The following MEOX1 variants were observed in gnomAD, a reference collection of about 807,000 sequenced individuals.
MEOX1 encodes homeobox protein MOX-1.
Under a neutral mutation model 23.2 loss-of-function variants are expected in MEOX1, and 17 were observed. The observed-to-expected ratio is 0.73, with a 90% confidence interval of 0.50 to 1.10. MEOX1 has a LOEUF of 1.10. Among genes scored for constraint, MEOX1 ranks in the 50% least tolerant of loss-of-function variants. The pLI is 0.00. For synonymous variants in MEOX1, 134 were observed against 135.1 expected, an observed-to-expected ratio of 0.99 and a Z score of 0.06; for missense variants, 333 against 332.2, an observed-to-expected ratio of 1.00 and a Z score of -0.02.
intron 1 of MEOX1, among the ~76,000 whole-genome samples, chr17:43,649,649 G>A (rs1972879226): frequency 6.6e-6 from 1 of 152,112 alleles, no homozygotes; most frequent in Admixed American, 6.6e-5. Context: ...ACAATTCCAG[G>A]CACAACAACT....
At chr17:43,650,901 T>C (rs755474769) in intron 1 of MEOX1, among the ~76,000 whole-genome samples, 1 of 152,150 alleles carries the variant, frequency 6.6e-6, no homozygotes, top group Non-Finnish European at 1.5e-5. Flanking sequence ...CCCACCCCAG[T>C]GTCCAGGCCC....
intron 2 of MEOX1, among the ~76,000 whole-genome samples, chr17:43,642,435 AT>A (rs1213509030): frequency 6.6e-6 from 1 of 151,972 alleles, no homozygotes; most frequent in Non-Finnish European, 1.5e-5. Context: ...TGGTAAGCAC[AT>A]TTTCTCATCT....
At chr17:43,643,142 C>CAG (rs1407698027) in intron 2 of MEOX1, among the ~76,000 whole-genome samples, 10 of 137,916 alleles carry the variant, frequency 7.3e-5, no homozygotes, top group Admixed American at 7.1e-4. Context: ...AACCCCGCCT[C>CAG]TACTAAAAAA....
intron 1 of MEOX1, among the ~76,000 whole-genome samples, chr17:43,648,651 T>C (rs550767797): frequency 6.6e-6 from 1 of 151,928 alleles, no homozygotes; most frequent in Non-Finnish European, 1.5e-5. Context: ...TCAGAATTCC[T>C]TCCTGGAACA....
At chr17:43,651,698 C>G (rs1448325338) in intron 1 of MEOX1, among the ~76,000 whole-genome samples, 1 of 152,190 alleles carries the variant, frequency 6.6e-6, no homozygotes, top group Non-Finnish European at 1.5e-5. Flanking sequence ...AGTCCTGTCT[C>G]TCAGGCAGAA....
At chr17:43,642,286 C>T (rs531164204) in intron 2 of MEOX1, among the ~76,000 whole-genome samples, 10 of 152,250 alleles carry the variant, frequency 6.6e-5, no homozygotes, top group Non-Finnish European at 1.5e-4. Context: ...CTGCATTGGC[C>T]CCACCCCCTT....
In MEOX1 at chr17:43,641,866, G is replaced by T. The variant is rs1340123231; in HGVS notation, c.*44C>A. 2 of 1,579,564 alleles carry T rather than the reference G, an allele frequency of 1.3e-6. No individual in the cohort carries two copies. The highest frequency in any genetic ancestry group is 1.7e-6 in the Non-Finnish European group (2 of 1,163,010). On this transcript the variant is annotated 3_prime_UTR_variant, in exon 3 of 3. Coordinates refer to ENST00000318579, the MANE Select transcript of MEOX1 (RefSeq NM_004527.4). ...GGTGGGATTGGGGTGGGGGTAGTTG[G>T]GTAGGGGGCTCAGTCCTTAGTCATT...
intron 1 of MEOX1, among the ~76,000 whole-genome samples, chr17:43,645,553 T>C (rs1972791989): frequency 6.6e-6 from 1 of 152,194 alleles, no homozygotes; most frequent in Non-Finnish European, 1.5e-5. Flanking sequence ...CCCAACGTCC[T>C]GCTCCCTGAA....
At chr17:43,644,101 C>T (rs924724250) in intron 1 of MEOX1, among the ~76,000 whole-genome samples, 3 of 152,190 alleles carry the variant, frequency 2.0e-5, no homozygotes, top group Non-Finnish European at 4.4e-5. Context: ...AAATCCTAGC[C>T]TCATTCCAGA....
intron 1 of MEOX1, among the ~76,000 whole-genome samples, chr17:43,654,562 T>C (rs1329524196): frequency 1.3e-5 from 2 of 152,062 alleles, no homozygotes; most frequent in Non-Finnish European, 2.9e-5. Context: ...GGTTCACACC[T>C]GTAATCCTAG....
chr17:43,650,545 G>A (rs1043654979), intron 1 of MEOX1, among the ~76,000 whole-genome samples: 1 of 152,196 alleles, frequency 6.6e-6, no homozygotes, highest in African/African-American at 2.4e-5. Flanking sequence ...GGGAGGATGA[G>A]TATGGAGGCT....
intron 1 of MEOX1, among the ~76,000 whole-genome samples, chr17:43,647,173 C>T (rs928978474): frequency 2.0e-5 from 3 of 152,136 alleles, no homozygotes; most frequent in African/African-American, 7.2e-5. Context: ...TTCTTACCCC[C>T]TTTAGCACTC....
At chr17:43,648,224 C>T (rs1172787917) in intron 1 of MEOX1, among the ~76,000 whole-genome samples, 3 of 152,154 alleles carry the variant, frequency 2.0e-5, no homozygotes, top group Non-Finnish European at 2.9e-5. Flanking sequence ...AATCCCAGCA[C>T]TTTGGGAGGC....
intron 1 of MEOX1, among the ~76,000 whole-genome samples, chr17:43,653,249 C>T (rs1972951856): frequency 6.6e-6 from 1 of 150,954 alleles, no homozygotes; most frequent in Non-Finnish European, 1.5e-5. Context: ...AAGCGATTTT[C>T]CTGCCTCAGC....
intron 1 of MEOX1, among the ~76,000 whole-genome samples, chr17:43,651,817 G>A (rs1477042134): frequency 2.0e-5 from 3 of 152,236 alleles, no homozygotes; most frequent in Non-Finnish European, 2.9e-5. Flanking sequence ...CCTAGCATGG[G>A]AGAGTGGCGG....
At chr17:43,649,717 A>T (rs1972881230) in intron 1 of MEOX1, among the ~76,000 whole-genome samples, 1 of 152,202 alleles carries the variant, frequency 6.6e-6, no homozygotes. Flanking sequence ...TGGGGGCCGC[A>T]GATGCCTCTT....
intron 1 of MEOX1, among the ~76,000 whole-genome samples, chr17:43,651,788 C>A (rs1473217470): frequency 6.6e-6 from 1 of 152,222 alleles, no homozygotes; most frequent in Non-Finnish European, 1.5e-5. Context: ...AATAGGTGAG[C>A]GGGCAGGAAT....
At position 43,661,726 on chromosome 17, in the gene MEOX1, G is replaced by A; in HGVS notation, c.-192C>T. On this transcript the variant is annotated 5_prime_UTR_variant, in exon 1 of 3. Transcript: ENST00000318579. ...CTCTCCTTAAAGTACACACACATGT[G>A]GCCAGCTACTCCTATGTGTGTGCAC... is the stretch of plus-strand genomic sequence containing the variant. 2.0e-6 allele frequency: 1 copy of A among 502,818 alleles called. No homozygotes were observed. Among genetic ancestry groups the A allele is most frequent in the Non-Finnish European group, 3.5e-6 (1 of 289,480 alleles). The allele number at this position is 502,818 out of a possible 1,614,324, so 31.1% of individuals were successfully genotyped here. A position where few individuals can be genotyped will look rare whatever the true frequency, so the allele number is the denominator to read the frequency against.
chr17:43,654,432 T>C (rs940849803), intron 1 of MEOX1, among the ~76,000 whole-genome samples: 5 of 151,822 alleles, frequency 3.3e-5, no homozygotes, highest in African/African-American at 1.2e-4. Context: ...CACTTGAACC[T>C]GGGAGGCAGA....
Sources: allele counts gnomAD v4.1 joint callset (sites outside exome capture counted in the v4.1 genomes callset), GRCh38; gene constraint gnomAD v4.1.1; transcripts MANE v1.5; gene names NCBI Gene and HGNC (gene_info 2026-07-23, HGNC 2026-07-21).